SPTAN1: variants seen among roughly 807,000 people sequenced by gnomAD.
SPTAN1 encodes the protein spectrin alpha chain, non-erythrocytic 1.
In SPTAN1, 61 loss-of-function variants were observed where a neutral mutation model predicts 331.3. The ratio of observed to expected loss-of-function variants is 0.18; its 90% CI spans 0.15 to 0.23. SPTAN1 has a LOEUF of 0.23. Among genes scored for constraint, SPTAN1 ranks in the 10% least tolerant of loss-of-function variants. The probability of loss-of-function intolerance (pLI) is 1.00; values close to 1 mark genes in which losing one functional copy is unlikely to be tolerated. For missense variants in SPTAN1, 2,043 were observed against 3,147.9 expected, an observed-to-expected ratio of 0.65 and a Z score of 8.40; for synonymous variants, 1,153 against 1,173.9, an observed-to-expected ratio of 0.98 and a Z score of 0.36.
Position 128,615,780 on chromosome 9 carries a change from A to T in SPTAN1, c.5297A>T (p.Asn1766Ile). 6.2e-7 allele frequency: 1 copy of T among 1,614,248 alleles called. No individual in the cohort carries two copies. Among genetic ancestry groups the T allele is most frequent in the Non-Finnish European group, 8.5e-7 (1 of 1,180,046 alleles). Residue 1766 changes from asparagine (N) to isoleucine (I), a missense_variant, in exon 41 of 57, where the codon AAT becomes ATT. Physicochemically the swap from Asn to Ile is moderately radical, Grantham distance 149 (BLOSUM62 -3). Around this residue, in one of 12 missense-constraint regions of SPTAN1, gnomAD observed 323 missense variants for 581.1 expected, o/e 0.56. Coordinates refer to ENST00000372739, the MANE Select transcript of SPTAN1 (RefSeq NM_001130438.3). ...SMAASRRAKL[N>I]ESHRLHQFFR... is the part of the protein sequence containing the mutation. ...GCGGCCTCCCGGCGAGCCAAGCTGA[A>T]TGAATCCCATCGCCTGCACCAGTTC...
At chr9:128,602,614 T>C (rs1855322220) in intron 27 of SPTAN1, among the ~76,000 whole-genome samples, 1 of 151,998 alleles carries the variant, frequency 6.6e-6, no homozygotes, top group Non-Finnish European at 1.5e-5. Flanking sequence ...TAAGGGACTT[T>C]ATTTATTTGT....
intron 9 of SPTAN1, 38 bp from the exon 10 acceptor site, chr9:128,579,599 C>T: frequency 6.5e-7 from 1 of 1,528,660 alleles, no homozygotes; most frequent in Non-Finnish European, 9.1e-7. Flanking sequence ...TTGTAAGATG[C>T]TGGGCACAAA....
chr9:128,602,221 GT>G (rs576224099), intron 27 of SPTAN1, among the ~76,000 whole-genome samples: 51 of 130,786 alleles, frequency 3.9e-4, no homozygotes, highest in Non-Finnish European at 5.1e-4. Flanking sequence ...GGTTTTTTTT[GT>G]TTTTTTTTTT....
chr9:128,583,445 A>G (rs1232649738), intron 15 of SPTAN1, among the ~76,000 whole-genome samples, 164 bp downstream of exon 15: 2 of 152,180 alleles, frequency 1.3e-5, no homozygotes, highest in Admixed American at 6.5e-5. Flanking sequence ...AGTTCTTGAT[A>G]ATAATTTGGT....
At chr9:128,586,228 C>T (rs1459218993) in intron 19 of SPTAN1, among the ~76,000 whole-genome samples, 1 of 150,528 alleles carries the variant, frequency 6.6e-6, no homozygotes, top group Admixed American at 6.6e-5. Flanking sequence ...AAGCGATCCT[C>T]CTGCCTCAGC....
At chr9:128,585,037 C>T (rs1487267449) in intron 18 of SPTAN1, among the ~76,000 whole-genome samples, 194 bp downstream of exon 18, 16 of 137,764 alleles carry the variant, frequency 1.2e-4, no homozygotes, top group African/African-American at 2.6e-4. Flanking sequence ...TTTTTTGAGA[C>T]GGGGTCTCAC....
At chr9:128,557,578 C>CCCCCAAATA (rs1258965563) in intron 1 of SPTAN1, among the ~76,000 whole-genome samples, 1 of 150,840 alleles carries the variant, frequency 6.6e-6, no homozygotes, top group Non-Finnish European at 1.5e-5. Context: ...AAATTTTATG[C>CCCCCAAATA]CCCCAAATAC....
chr9:128,592,277 CT>C (rs66475636), intron 22 of SPTAN1, among the ~76,000 whole-genome samples: 124,964 of 138,992 alleles, frequency 0.9, 57,133 homozygotes, highest in Non-Finnish European at 0.99. Context: ...GGTTTGTGTT[CT>C]TTTTTTTTTT....
chr9:128,599,083 TC>T (rs756509408), intron 26 of SPTAN1, 97 bp downstream of exon 26: 1 of 1,197,550 alleles, frequency 8.4e-7, no homozygotes, highest in Non-Finnish European at 1.3e-6. Flanking sequence ...GAATTGCTGT[TC>T]CTGAACCTCA....
chr9:128,633,200 AC>A lies in SPTAN1; in HGVS notation c.7309-5del. ...GCTCAGGCACCAGGTGCCATCTCTTACCCCACAGAACCTGACCCGGGAACAA... is the reference window on the plus strand; with the variant it reads ...GCTCAGGCACCAGGTGCCATCTCTTACCCACAGAACCTGACCCGGGAACAA... On this transcript the variant is annotated splice_polypyrimidine_tract_variant and splice_region_variant and intron_variant, in intron 56 of 56. Coordinates refer to ENST00000372739, the MANE Select transcript of SPTAN1 (RefSeq NM_001130438.3). The A allele has an allele frequency of 6.2e-7, 1 of 1,613,736 alleles. No homozygotes were observed. The highest frequency in any genetic ancestry group is 8.5e-7 in the Non-Finnish European group (1 of 1,179,976).
At position 128,566,944 on chromosome 9, in the gene SPTAN1, T is replaced by C. The variant is rs1850103610; in HGVS notation, c.204T>C (p.Ser68=). Reference sequence around the variant, plus strand: ...TACAGGAAAAACTTCAGATTGCATCTGATGAGAATTATAAAGACCCAACCA... The same window carrying C: ...TACAGGAAAAACTTCAGATTGCATCCGATGAGAATTATAAAGACCCAACCA... ...KWIQEKLQIA[S]DENYKDPTNL... is the part of the protein sequence containing the mutation. Residue 68 remains serine, a synonymous_variant, in exon 2 of 57, where the codon TCT becomes TCC. Coordinates refer to ENST00000372739, the MANE Select transcript of SPTAN1 (RefSeq NM_001130438.3). 1 of 1,614,066 alleles carries C rather than the reference T, an allele frequency of 6.2e-7. No individual in the cohort carries two copies. Among genetic ancestry groups the C allele is most frequent in the Non-Finnish European group, 8.5e-7 (1 of 1,180,042 alleles).
chr9:128,598,228 G>T (rs953145884), intron 24 of SPTAN1, among the ~76,000 whole-genome samples, 172 bp from the exon 25 acceptor site: 1 of 151,928 alleles, frequency 6.6e-6, no homozygotes, highest in African/African-American at 2.4e-5. Flanking sequence ...GATTACAGGC[G>T]TGAGCCACCA....
chr9:128,572,255 T>C (rs1039654890), intron 3 of SPTAN1, among the ~76,000 whole-genome samples: 5 of 152,234 alleles, frequency 3.3e-5, no homozygotes, highest in Admixed American at 3.3e-4. Context: ...TGCTTGCTTA[T>C]GTCCCTACTG....
At position 128,625,475 on chromosome 9, in the gene SPTAN1, T is replaced by C. The variant is rs1280015842; in HGVS notation, c.6070-294T>C. 6.6e-6 allele frequency among the ~76,000 whole-genome samples: 1 copy of C among 151,756 alleles called. No individual in the cohort carries two copies. Among genetic ancestry groups the C allele is most frequent in the Non-Finnish European group, 1.5e-5 (1 of 67,948 alleles). On this transcript the variant is annotated intron_variant, in intron 47 of 56. Coordinates refer to ENST00000372739, the MANE Select transcript of SPTAN1 (RefSeq NM_001130438.3). This position sits in a 1 kb window ranked among gnomAD's most constrained non-coding sequence, Gnocchi z 4.1. ...TTCTCCTAAGCGAAATCATGAGGGG[T>C]GAATGAAAACGGTCAGGGAGAGAGG...
At chr9:128,604,203 G>A in intron 28 of SPTAN1, 123 bp from the exon 29 acceptor site, 4 of 1,009,484 alleles carry the variant, frequency 4.0e-6, no homozygotes, top group Non-Finnish European at 6.1e-6. Flanking sequence ...AGCGAGGAAG[G>A]TTGGAAACAG....
At chr9:128,573,612 A>G (rs1429387752) in intron 3 of SPTAN1, among the ~76,000 whole-genome samples, 1 of 151,906 alleles carries the variant, frequency 6.6e-6, no homozygotes, top group Admixed American at 6.6e-5. Flanking sequence ...GTGTGCCACC[A>G]TGCCCGGCTA....
At chr9:128,602,654 G>A (rs1447428708) in intron 27 of SPTAN1, among the ~76,000 whole-genome samples, 1 of 151,222 alleles carries the variant, frequency 6.6e-6, no homozygotes, top group Non-Finnish European at 1.5e-5. Flanking sequence ...ATTTATTTTC[G>A]AGTCGGAGTC....
intron 45 of SPTAN1, 50 bp downstream of exon 45, chr9:128,621,306 G>C (rs369543961): frequency 2.6e-6 from 4 of 1,528,758 alleles, no homozygotes; most frequent in Non-Finnish European, 2.7e-6. Flanking sequence ...GGACACCCAC[G>C]TGTTGGTACC....
intron 22 of SPTAN1, among the ~76,000 whole-genome samples, chr9:128,592,259 G>A (rs1450846878): frequency 7.0e-6 from 1 of 142,436 alleles, no homozygotes; most frequent in Non-Finnish European, 1.5e-5. Context: ...ATAAGAATGG[G>A]AGGTTTTGGT....
Sources: gnomAD v4.1 joint callset for allele counts (sites outside exome capture counted in the v4.1 genomes callset) on GRCh38, gnomAD v4.1.1 for gene constraint, gnomAD v4.1.1 regional missense constraint, Gnocchi (gnomAD v3.1) non-coding constraint, MANE v1.5 for transcripts, NCBI Gene and HGNC (gene_info 2026-07-23, HGNC 2026-07-21) for gene names.